Variants in PLCB4 observed in about 807,000 individuals in gnomAD.
PLCB4 encodes 1-phosphatidylinositol 4,5-bisphosphate phosphodiesterase beta-4.
In PLCB4, 77 loss-of-function variants were observed where a neutral mutation model predicts 178.8. The ratio of observed to expected loss-of-function variants is 0.43; its 90% CI spans 0.36 to 0.52. The LOEUF (loss-of-function observed/expected upper bound fraction) is 0.52, where lower values mean the gene tolerates loss of function less well. Ranked by LOEUF, PLCB4 falls within the 20% of genes least tolerant of loss-of-function variation. PLCB4 has a pLI of 0.00. For missense variants in PLCB4, 1,024 were observed against 1,453.4 expected (o/e 0.70, Z 4.80); for synonymous variants, 496 against 490.8 (o/e 1.01, Z -0.14).
intron 7 of PLCB4, among the ~76,000 whole-genome samples, chr20:9,351,255 A>G (rs547229623): frequency 6.6e-6 from 1 of 151,922 alleles, no homozygotes; most frequent in East Asian, 1.9e-4. Flanking sequence ...TTACATATGT[A>G]TACATGTGCC....
rs148722226 is a variant in PLCB4 at position 9,272,472 on chromosome 20, G to A, written c.-15-35328G>A. On this transcript the variant is annotated intron_variant, in intron 3 of 39. Coordinates refer to ENST00000378473, the MANE Select transcript of PLCB4 (RefSeq NM_001377142.1). ...TGTCATAGTTAATACCATAGCTGCAGGTCTCCAACCTAGACTATTGAGGGT... is the reference window on the plus strand; with the variant it reads ...TGTCATAGTTAATACCATAGCTGCAAGTCTCCAACCTAGACTATTGAGGGT... 3.4e-4 allele frequency among the ~76,000 whole-genome samples: 52 copies of A among 152,144 alleles called. 1 individual carries two copies. The highest frequency in any genetic ancestry group is 1.2e-3 in the African/African-American group (49 of 41,538).
intron 3 of PLCB4, among the ~76,000 whole-genome samples, chr20:9,226,580 G>A (rs781348022): frequency 2.6e-5 from 4 of 152,188 alleles, no homozygotes; most frequent in Non-Finnish European, 4.4e-5. Context: ...TTGACAGGGA[G>A]ATGGTGAATC....
At chr20:9,080,351 A>G (rs1182697361) in intron 1 of PLCB4, among the ~76,000 whole-genome samples, 1 of 152,168 alleles carries the variant, frequency 6.6e-6, no homozygotes, top group Non-Finnish European at 1.5e-5. Flanking sequence ...GGTATATCAG[A>G]GTTCATTTCT....
At chr20:9,321,180 G>GATTAAA in intron 4 of PLCB4, among the ~76,000 whole-genome samples, 1 of 152,174 alleles carries the variant, frequency 6.6e-6, no homozygotes, top group Non-Finnish European at 1.5e-5. Flanking sequence ...CCCTCAGGTG[G>GATTAAA]TGGTGAGGGC....
At chr20:9,145,549 T>C (rs926354667) in intron 2 of PLCB4, among the ~76,000 whole-genome samples, 1 of 151,782 alleles carries the variant, frequency 6.6e-6, no homozygotes. Flanking sequence ...TGTTGCCTAG[T>C]GTTTGTAATT....
intron 7 of PLCB4, among the ~76,000 whole-genome samples, chr20:9,345,274 C>T (rs796376333): frequency 2.0e-5 from 3 of 151,938 alleles, no homozygotes; most frequent in African/African-American, 7.2e-5. Context: ...TTCCTGGAAT[C>T]ATTCTCATCT....
chr20:9,421,199 C>G, intron 26 of PLCB4, 98 bp from the exon 27 acceptor site: 1 of 886,790 alleles, frequency 1.1e-6, no homozygotes, highest in Non-Finnish European at 1.7e-6. Context: ...AATTCCTGCT[C>G]CCACCCAAAA....
chr20:9,469,730 T>TG (rs1327781988), intron 36 of PLCB4, among the ~76,000 whole-genome samples: 5 of 152,260 alleles, frequency 3.3e-5, no homozygotes, highest in East Asian at 1.9e-4. Flanking sequence ...CGCCTGAGAC[T>TG]GGGGGGAAGG....
At chr20:9,437,343 G>T (rs1405405871) in intron 30 of PLCB4, among the ~76,000 whole-genome samples, 191 bp downstream of exon 30, 1 of 152,160 alleles carries the variant, frequency 6.6e-6, no homozygotes, top group African/African-American at 2.4e-5. Context: ...GACAGGCCGT[G>T]GGCTCATGAA....
intron 2 of PLCB4, among the ~76,000 whole-genome samples, chr20:9,143,964 A>C (rs73609440): frequency 0.026 from 4,027 of 152,218 alleles, 167 homozygotes; most frequent in African/African-American, 0.09. Context: ...GAGGGACTTA[A>C]CTTTGTTGGA....
intron 32 of PLCB4, among the ~76,000 whole-genome samples, chr20:9,447,710 A>C (rs1478535019): frequency 6.6e-6 from 1 of 152,258 alleles, no homozygotes; most frequent in African/African-American, 2.4e-5. Flanking sequence ...AAAAAAACAC[A>C]GCTTCATTAA....
At chr20:9,245,619 T>C (rs1031203801) in intron 3 of PLCB4, among the ~76,000 whole-genome samples, 1 of 152,028 alleles carries the variant, frequency 6.6e-6, no homozygotes, top group Non-Finnish European at 1.5e-5. Context: ...CCAGCAGAAG[T>C]TGGAAGAGGC....
intron 13 of PLCB4, among the ~76,000 whole-genome samples, chr20:9,382,920 A>T (rs1390074486): frequency 6.6e-6 from 1 of 152,232 alleles, no homozygotes; most frequent in Non-Finnish European, 1.5e-5. Flanking sequence ...AAAGAGGTAT[A>T]CAAATTTCTA....
intron 2 of PLCB4, among the ~76,000 whole-genome samples, chr20:9,182,401 G>A (rs2093261639): frequency 6.6e-6 from 1 of 152,150 alleles, no homozygotes; most frequent in Non-Finnish European, 1.5e-5. Flanking sequence ...GTCTACGGGA[G>A]GCATGTTCTT....
Position 9,389,962 on chromosome 20 carries a change from TA to T in PLCB4, c.1238+6del. 6.8e-7 allele frequency: 1 copy of T among 1,466,942 alleles called. No homozygotes were observed. The allele number at this position is 1,466,942 out of a possible 1,614,324, so 90.9% of individuals were successfully genotyped here. On this transcript the variant is annotated splice_donor_5th_base_variant and intron_variant, in intron 16 of 39. Transcript: ENST00000378473. ...TCTCCTTTGAAAATCACTGCAGGTATAATGATCCATTCTGCCACAAGTCTCT... is the reference window on the plus strand; with the variant it reads ...TCTCCTTTGAAAATCACTGCAGGTATATGATCCATTCTGCCACAAGTCTCT...
At chr20:9,443,188 T>C (rs879746010) in intron 30 of PLCB4, among the ~76,000 whole-genome samples, 3 of 152,218 alleles carry the variant, frequency 2.0e-5, no homozygotes, top group African/African-American at 4.8e-5. Flanking sequence ...TTCCTGTATG[T>C]TTAAGGCATT....
rs554150890 is a variant in PLCB4 at position 9,323,909 on chromosome 20, T to C, written c.85-13217T>C. 9.8e-5 allele frequency among the ~76,000 whole-genome samples: 15 copies of C among 152,310 alleles called. No individual in the cohort carries two copies. The South Asian group carries it at 3.1e-3, about 32-fold the overall frequency. Reference sequence around the variant, plus strand: ...GAGACAATTCCTCCCCAGTTCTCCCTGCTCCCTCCTCTCCTCTCTCAGGTG... The same window carrying C: ...GAGACAATTCCTCCCCAGTTCTCCCCGCTCCCTCCTCTCCTCTCTCAGGTG... On this transcript the variant is annotated intron_variant, in intron 4 of 39. Transcript: ENST00000378473.
chr20:9,312,771 G>T (rs1484123861), intron 4 of PLCB4, among the ~76,000 whole-genome samples: 1 of 152,204 alleles, frequency 6.6e-6, no homozygotes, highest in African/African-American at 2.4e-5. Flanking sequence ...TTGAGGAAGA[G>T]AATTTTACGT....
rs1261729600 is a variant in PLCB4, at chr20:9,271,916, C to T, written c.-15-35884C>T. On this transcript the variant is annotated intron_variant, in intron 3 of 39. Transcript: ENST00000378473. ...ATGGGGCTGGGTGTGGGGGCTCACA[C>T]CTATAATCTGAGCACTTTGGAAGGC... 2.6e-5 allele frequency among the ~76,000 whole-genome samples: 4 copies of T among 151,812 alleles called. No homozygotes were observed. In the South Asian group the frequency reaches 8.3e-4, roughly 32 times the overall value.
Sources: gnomAD v4.1 joint callset for allele counts (sites outside exome capture counted in the v4.1 genomes callset) on GRCh38, gnomAD v4.1.1 for gene constraint, MANE v1.5 for transcripts, NCBI Gene and HGNC (gene_info 2026-07-23, HGNC 2026-07-21) for gene names.